BCL2: variants seen among roughly 807,000 people sequenced by gnomAD.
BCL2 encodes the protein BCL2 apoptosis regulator, also known as apoptosis regulator Bcl-2.
Under a neutral mutation model 14.2 loss-of-function variants are expected in BCL2, and 1 was observed. That is an observed-to-expected ratio of 0.07 (90% CI 0.02 to 0.33). The LOEUF (loss-of-function observed/expected upper bound fraction) is 0.33. Ranked by LOEUF, BCL2 falls within the 10% of genes least tolerant of loss-of-function variation. BCL2 has a pLI of 0.99. For missense variants in BCL2, 247 were observed against 305.9 expected, an observed-to-expected ratio of 0.81 and a Z score of 1.44; for synonymous variants, 151 against 137.2, an observed-to-expected ratio of 1.10 and a Z score of -0.70.
In BCL2 at chr18:63,169,409, TTCTCTCTC is replaced by T. The variant is rs139297674; in HGVS notation, c.586-40658_586-40651del. ...TTTCTTTTTCTTTCTTTCTTTTTCT[TTCTCTCTC>T]TCTCTCTCTCTTTCTTTTTCTTTCT... On this transcript the variant is annotated intron_variant, in intron 2 of 2. Coordinates refer to ENST00000333681, the MANE Select transcript of BCL2 (RefSeq NM_000633.3). Among the ~76,000 whole-genome samples the T allele has an allele frequency of 8.9e-5, 10 of 112,738 alleles. 1 individual carries two copies. The highest frequency in any genetic ancestry group is 1.3e-4 in the African/African-American group (3 of 23,690). The allele number at this position is 112,738 out of a possible 152,430, so 74.0% of individuals were successfully genotyped here.
chr18:63,123,985 T>C lies in BCL2; in HGVS notation c.*4640A>G, dbSNP rs1219654601. ...CCCATCTTCTGTGCTCAGCTTGGTA[T>C]GCAGAACAACCTTGTTGTTGATAGG... On this transcript the variant is annotated 3_prime_UTR_variant, in exon 3 of 3. Coordinates refer to ENST00000333681, the MANE Select transcript of BCL2 (RefSeq NM_000633.3). 1 of 221,938 alleles carries C rather than the reference T, an allele frequency of 4.5e-6. No homozygotes were observed. Among genetic ancestry groups the C allele is most frequent in the Non-Finnish European group, 9.0e-6 (1 of 111,058 alleles). 13.7% of individuals were successfully genotyped at this position (221,938 alleles called of 1,614,324 possible).
intron 2 of BCL2, among the ~76,000 whole-genome samples, chr18:63,255,043 C>T (rs3744950): frequency 0.7 from 106,274 of 152,130 alleles, 39,214 homozygotes; most frequent in Non-Finnish European, 0.82. Context: ...AAGTGTACGG[C>T]TGCCAGTTTG....
intron 2 of BCL2, among the ~76,000 whole-genome samples, chr18:63,216,393 TG>T (rs1910203119): frequency 9.0e-6 from 1 of 110,526 alleles, no homozygotes; most frequent in Non-Finnish European, 2.1e-5. Flanking sequence ...AGGCCTTAAA[TG>T]TTTTCTAAAA....
intron 2 of BCL2, among the ~76,000 whole-genome samples, chr18:63,247,618 A>G (rs1911188037): frequency 6.6e-6 from 1 of 152,226 alleles, no homozygotes; most frequent in Admixed American, 6.5e-5. Flanking sequence ...ATAGGTAGGC[A>G]GAGCACTAGG....
rs189097715 is a variant in BCL2 at position 63,187,013 on chromosome 18, C to T, written c.586-58254G>A. Among the ~76,000 whole-genome samples the T allele has an allele frequency of 1.2e-3, 190 of 152,322 alleles. 2 individuals carry two copies. Among genetic ancestry groups the T allele is most frequent in the African/African-American group, 4.5e-3 (189 of 41,570 alleles). ...CCATCTTCATTATTGAAAACAGAAA[C>T]TCCAACCTTAAGCATTTCCCTGTTT... On this transcript the variant is annotated intron_variant, in intron 2 of 2. Transcript: ENST00000333681.
At chr18:63,140,944 C>G (rs747285422) in intron 2 of BCL2, among the ~76,000 whole-genome samples, 1 of 152,050 alleles carries the variant, frequency 6.6e-6, no homozygotes, top group Non-Finnish European at 1.5e-5. Context: ...AGGAATGAGA[C>G]GCTGCTGGTT....
intron 2 of BCL2, among the ~76,000 whole-genome samples, chr18:63,305,190 A>C (rs1354197692): frequency 6.6e-6 from 1 of 152,266 alleles, no homozygotes; most frequent in African/African-American, 2.4e-5. Context: ...GAAAGTAACC[A>C]GAAACAAAAG....
chr18:63,245,465 C>T lies in BCL2; in HGVS notation c.585+72617G>A, dbSNP rs373025605. Among the ~76,000 whole-genome samples, 20 of 152,300 alleles carry T rather than the reference C, an allele frequency of 1.3e-4. No individual in the cohort carries two copies. The East Asian group carries it at 1.3e-3, about 10-fold the overall frequency. ...AGATTTTTCCAGAATATGATTCAGA[C>T]TAAAAGCAGGACAGCATCTGCTGCC... On this transcript the variant is annotated intron_variant, in intron 2 of 2. Transcript: ENST00000333681.
Position 63,255,834 on chromosome 18 carries a change from C to G in BCL2, c.585+62248G>C, listed in dbSNP as rs142329270. 3.4e-4 allele frequency among the ~76,000 whole-genome samples: 51 copies of G among 151,954 alleles called. 1 individual carries two copies. Among genetic ancestry groups the G allele is most frequent in the African/African-American group, 8.9e-4 (37 of 41,430 alleles). On this transcript the variant is annotated intron_variant, in intron 2 of 2. Transcript: ENST00000333681. ...TGTGGTTGGCTGCAGCCCTCCCCCC[C>G]CGCCACACACACAAACATTTCTTAC...
chr18:63,228,843 G>C (rs1159909344), intron 2 of BCL2, among the ~76,000 whole-genome samples: 1 of 152,170 alleles, frequency 6.6e-6, no homozygotes, highest in African/African-American at 2.4e-5. Flanking sequence ...CGAGTAGCTG[G>C]GACTACAGGC....
At chr18:63,315,614 C>G (rs530440673) in intron 2 of BCL2, 1 of 152,112 alleles carries the variant, frequency 6.6e-6, no homozygotes, top group South Asian at 2.1e-4. Flanking sequence ...TTGTCACATG[C>G]CAAGAAAATA....
At chr18:63,301,922 T>TA (rs1912971006) in intron 2 of BCL2, among the ~76,000 whole-genome samples, 1 of 152,258 alleles carries the variant, frequency 6.6e-6, no homozygotes, top group South Asian at 2.1e-4. Context: ...TAAGGATATG[T>TA]AAAAACTACA....
intron 2 of BCL2, among the ~76,000 whole-genome samples, chr18:63,220,422 T>C (rs1042646002): frequency 6.6e-6 from 1 of 152,208 alleles, no homozygotes; most frequent in Non-Finnish European, 1.5e-5. Context: ...ACACCAGTAG[T>C]TTCTCCATAC....
intron 2 of BCL2, among the ~76,000 whole-genome samples, chr18:63,305,352 C>T (rs1002843969): frequency 2.0e-5 from 3 of 152,154 alleles, no homozygotes; most frequent in Non-Finnish European, 2.9e-5. Flanking sequence ...GAAATATCTA[C>T]GGGATTCCCA....
At chr18:63,314,789 T>G (rs1013939338) in intron 2 of BCL2, 1 of 152,230 alleles carries the variant, frequency 6.6e-6, no homozygotes, top group African/African-American at 2.4e-5. Flanking sequence ...CTAATTCTCT[T>G]GCCTTTAATT....
chr18:63,214,998 T>C (rs909649267), intron 2 of BCL2, among the ~76,000 whole-genome samples: 2 of 152,204 alleles, frequency 1.3e-5, no homozygotes, highest in African/African-American at 4.8e-5. Flanking sequence ...CGTGAGCCAG[T>C]GTGCCTGGCC....
At chr18:63,206,707 C>G (rs1909846286) in intron 2 of BCL2, among the ~76,000 whole-genome samples, 1 of 152,140 alleles carries the variant, frequency 6.6e-6, no homozygotes. Flanking sequence ...GAGACATCAT[C>G]TCTGTCACTT....
rs1913850771 is a variant in BCL2 at position 63,124,216 on chromosome 18, C to T, written c.*4409G>A. On this transcript the variant is annotated 3_prime_UTR_variant, in exon 3 of 3. Coordinates refer to ENST00000333681, the MANE Select transcript of BCL2 (RefSeq NM_000633.3). ...CACTCTCCAATTCAGTTTCACATTGCTTAATTTTATAAAATTTTTTTCTGT... is the reference window on the plus strand; with the variant it reads ...CACTCTCCAATTCAGTTTCACATTGTTTAATTTTATAAAATTTTTTTCTGT... The T allele has an allele frequency of 9.0e-6, 2 of 222,654 alleles. No homozygotes were observed. Among genetic ancestry groups the T allele is most frequent in the Non-Finnish European group, 1.8e-5 (2 of 111,420 alleles). 13.8% of individuals were successfully genotyped at this position (222,654 alleles called of 1,614,324 possible).
chr18:63,198,802 G>C (rs1290229449), intron 2 of BCL2, among the ~76,000 whole-genome samples: 1 of 39,882 alleles, frequency 2.5e-5, no homozygotes, highest in Non-Finnish European at 4.5e-5. Context: ...GACACACACT[G>C]ACACAGAGAC....
Sources: gnomAD v4.1 joint callset for allele counts (sites outside exome capture counted in the v4.1 genomes callset) on GRCh38, gnomAD v4.1.1 for gene constraint, MANE v1.5 for transcripts, NCBI Gene and HGNC (gene_info 2026-07-23, HGNC 2026-07-21) for gene names.